Variants in STAU2 observed in about 807,000 individuals in gnomAD.
STAU2 encodes the protein staufen double-stranded RNA binding protein 2.
A neutral mutation model predicts 65.9 loss-of-function variants in STAU2; 20 were observed. The observed-to-expected ratio is 0.30, with a 90% CI of 0.21 to 0.44. The LOEUF is 0.44. Ranked by LOEUF, STAU2 falls within the 20% of genes least tolerant of loss-of-function variation. The probability of loss-of-function intolerance (pLI) is 1.00; values close to 1 mark genes in which losing one functional copy is unlikely to be tolerated. For missense variants in STAU2, 558 were observed against 683.9 expected, an observed-to-expected ratio of 0.82 and a Z score of 2.05; for synonymous variants, 232 against 233.9, an observed-to-expected ratio of 0.99 and a Z score of 0.07.
intron 12 of STAU2, among the ~76,000 whole-genome samples, chr8:73,571,649 T>C (rs1004232712): frequency 3.3e-5 from 5 of 152,180 alleles, no homozygotes; most frequent in Non-Finnish European, 7.3e-5. Flanking sequence ...GAATGACTAC[T>C]GGGTACATAA....
At chr8:73,524,084 G>A (rs1247082279) in intron 13 of STAU2, among the ~76,000 whole-genome samples, 1 of 152,018 alleles carries the variant, frequency 6.6e-6, no homozygotes, top group African/African-American at 2.4e-5. Flanking sequence ...GTGGAGCAAA[G>A]GTAGAAAAAA....
intron 6 of STAU2, among the ~76,000 whole-genome samples, chr8:73,672,825 C>T (rs1817775884): frequency 6.6e-6 from 1 of 151,742 alleles, no homozygotes; most frequent in South Asian, 2.1e-4. Flanking sequence ...ACTTGGTCTT[C>T]CCTGCAACAA....
intron 13 of STAU2, among the ~76,000 whole-genome samples, chr8:73,481,631 G>A (rs975729535): frequency 6.6e-6 from 1 of 151,440 alleles, no homozygotes; most frequent in Admixed American, 6.6e-5. Context: ...CTAAATTGTT[G>A]TATGTTAGTT....
At chr8:73,745,021 G>A (rs1372179536) in intron 1 of STAU2, among the ~76,000 whole-genome samples, 1 of 152,170 alleles carries the variant, frequency 6.6e-6, no homozygotes. Flanking sequence ...GGGGAAAAAT[G>A]CAGTAATTTG....
intron 12 of STAU2, among the ~76,000 whole-genome samples, chr8:73,558,652 G>A (rs574540762): frequency 6.6e-6 from 1 of 152,248 alleles, no homozygotes; most frequent in South Asian, 2.1e-4. Context: ...TGGTATCAGA[G>A]GTATTAAAAC....
At chr8:73,574,760 G>T (rs1809390423) in intron 12 of STAU2, among the ~76,000 whole-genome samples, 2 of 152,076 alleles carry the variant, frequency 1.3e-5, no homozygotes, top group African/African-American at 4.8e-5. Context: ...CCTGTCATGG[G>T]GTAGGGGGCT....
chr8:73,449,705 A>C (rs1001066634), intron 13 of STAU2, among the ~76,000 whole-genome samples: 33 of 152,300 alleles, frequency 2.2e-4, no homozygotes, highest in African/African-American at 5.8e-4. Flanking sequence ...AGGACAGATT[A>C]AGCTCCCTCT....
intron 13 of STAU2, among the ~76,000 whole-genome samples, chr8:73,454,134 C>T (rs944261617): frequency 6.6e-6 from 1 of 152,086 alleles, no homozygotes; most frequent in Non-Finnish European, 1.5e-5. Context: ...AAAATTATTT[C>T]TCAATAGAGC....
rs149988302 is a variant in STAU2, at chr8:73,528,718, A to C, written c.1530+23294T>G. Among the ~76,000 whole-genome samples, 127 of 152,332 alleles carry C rather than the reference A, an allele frequency of 8.3e-4. 1 individual carries two copies. Among genetic ancestry groups the C allele is most frequent in the African/African-American group, 3.0e-3 (123 of 41,592 alleles). Reference sequence around the variant, plus strand: ...TGTATAGATTTAGGATAAAGGCTTAAGTGAAAATTTTGAATTTGTGAGGAA... The same window carrying C: ...TGTATAGATTTAGGATAAAGGCTTACGTGAAAATTTTGAATTTGTGAGGAA... On this transcript the variant is annotated intron_variant, in intron 13 of 14. Coordinates refer to ENST00000524300, the MANE Select transcript of STAU2 (RefSeq NM_001164380.2).
chr8:73,555,568 A>G (rs1807683017), intron 12 of STAU2, among the ~76,000 whole-genome samples: 1 of 152,152 alleles, frequency 6.6e-6, no homozygotes, highest in South Asian at 2.1e-4. Flanking sequence ...AACAACAACA[A>G]AAAACCCCAC....
intron 12 of STAU2, among the ~76,000 whole-genome samples, chr8:73,560,362 G>C (rs1215250235): frequency 1.3e-5 from 2 of 152,066 alleles, no homozygotes; most frequent in Non-Finnish European, 2.9e-5. Flanking sequence ...TTACAGGCGT[G>C]AGCCACCACG....
chr8:73,533,375 A>G (rs1805955285), intron 13 of STAU2, among the ~76,000 whole-genome samples: 1 of 152,194 alleles, frequency 6.6e-6, no homozygotes, highest in Admixed American at 6.5e-5. Flanking sequence ...GCAAATCTAT[A>G]ACTTTTAAGA....
chr8:73,604,319 G>A (rs1016457828), intron 9 of STAU2, among the ~76,000 whole-genome samples: 3 of 152,036 alleles, frequency 2.0e-5, no homozygotes, highest in African/African-American at 7.3e-5. Flanking sequence ...AACTCCACCT[G>A]CCGGGTTCAA....
chr8:73,563,308 G>A (rs1808371907), intron 12 of STAU2, among the ~76,000 whole-genome samples: 2 of 152,140 alleles, frequency 1.3e-5, no homozygotes, highest in East Asian at 1.9e-4. Flanking sequence ...CCACCTAGCA[G>A]TAATAGGATG....
chr8:73,721,287 C>CAAA (rs35721754), intron 3 of STAU2, among the ~76,000 whole-genome samples: 3 of 12,462 alleles, frequency 2.4e-4, no homozygotes, highest in East Asian at 2.7e-3. Context: ...ACCCCACCTC[C>CAAA]AAAAAAAAAA....
At chr8:73,483,201 G>C (rs533127278) in intron 13 of STAU2, among the ~76,000 whole-genome samples, 1 of 151,872 alleles carries the variant, frequency 6.6e-6, no homozygotes, top group Non-Finnish European at 1.5e-5. Context: ...AGAATCACTT[G>C]GCCTGAAGGA....
At chr8:73,491,908 A>G (rs1428435327) in intron 13 of STAU2, among the ~76,000 whole-genome samples, 1 of 152,012 alleles carries the variant, frequency 6.6e-6, no homozygotes, top group Non-Finnish European at 1.5e-5. Flanking sequence ...TCTTTGAGCA[A>G]TGTAAAAATA....
chr8:73,747,013 G>C (rs1459162943), upstream of STAU2: 1 of 289,222 alleles, frequency 3.5e-6, no homozygotes, highest in Non-Finnish European at 5.1e-6. Context: ...GCGCGCGCCC[G>C]GCACCGGCTC....
At chr8:73,581,373 C>G (rs577052182) in intron 12 of STAU2, among the ~76,000 whole-genome samples, 1 of 152,184 alleles carries the variant, frequency 6.6e-6, no homozygotes, top group African/African-American at 2.4e-5. Context: ...TATGCACAAA[C>G]CATCTGACAG....
Sources: gnomAD v4.1 joint callset for allele counts (sites outside exome capture counted in the v4.1 genomes callset) on GRCh38, gnomAD v4.1.1 for gene constraint, MANE v1.5 for transcripts, NCBI Gene and HGNC (gene_info 2026-07-23, HGNC 2026-07-21) for gene names.